Variants in SPIDR observed in about 807,000 individuals in gnomAD.
SPIDR encodes scaffold protein involved in DNA repair.
A neutral mutation model predicts 104.6 loss-of-function variants in SPIDR; 93 were observed. The observed-to-expected ratio is 0.89, with a 90% confidence interval of 0.75 to 1.06. SPIDR has a LOEUF of 1.06. SPIDR is among the 50% of genes least tolerant of loss of function. The pLI is 0.00. For synonymous variants in SPIDR, 431 were observed against 416.9 expected, an observed-to-expected ratio of 1.03 and a Z score of -0.41; for missense variants, 1,154 against 1,111.2, an observed-to-expected ratio of 1.04 and a Z score of -0.55.
chr8:47,328,029 T>C (rs532546963), intron 5 of SPIDR, among the ~76,000 whole-genome samples: 147 of 152,050 alleles, frequency 9.7e-4, no homozygotes, highest in Non-Finnish European at 1.4e-3. Context: ...TTTTTCACTT[T>C]TTTGACAATA....
intron 8 of SPIDR, among the ~76,000 whole-genome samples, chr8:47,496,264 T>C (rs192629141): frequency 3.3e-3 from 505 of 152,268 alleles, no homozygotes; most frequent in African/African-American, 0.012. Flanking sequence ...TCTTTGTCCT[T>C]TTGTGGATCT....
intron 5 of SPIDR, among the ~76,000 whole-genome samples, chr8:47,395,397 G>A (rs1554657703): frequency 6.6e-6 from 1 of 152,072 alleles, no homozygotes; most frequent in African/African-American, 2.4e-5. Context: ...AGAAAAAAAG[G>A]CCTTTTGTTT....
chr8:47,328,136 A>G (rs1456768153), intron 5 of SPIDR, among the ~76,000 whole-genome samples: 1 of 151,970 alleles, frequency 6.6e-6, no homozygotes, highest in Non-Finnish European at 1.5e-5. Context: ...CTAAGAAACA[A>G]TTGCCAAATC....
chr8:47,445,264 C>T (rs1436578653), intron 8 of SPIDR, among the ~76,000 whole-genome samples: 1 of 152,162 alleles, frequency 6.6e-6, no homozygotes, highest in Non-Finnish European at 1.5e-5. Context: ...GAATAATTAT[C>T]CCAGTATTTC....
chr8:47,539,108 G>A (rs1298805616), intron 8 of SPIDR, among the ~76,000 whole-genome samples: 1 of 151,860 alleles, frequency 6.6e-6, no homozygotes, highest in Non-Finnish European at 1.5e-5. Flanking sequence ...TGATCCACCC[G>A]CTTCAGCCTC....
At chr8:47,701,488 T>C (rs2154483462) in intron 12 of SPIDR, among the ~76,000 whole-genome samples, 1 of 152,316 alleles carries the variant, frequency 6.6e-6, no homozygotes, top group South Asian at 2.1e-4. Flanking sequence ...ATTTTCAGTA[T>C]ACCCCGAAAG....
intron 6 of SPIDR, among the ~76,000 whole-genome samples, chr8:47,406,101 T>G (rs1398369489): frequency 6.6e-6 from 1 of 152,142 alleles, no homozygotes; most frequent in Admixed American, 6.5e-5. Flanking sequence ...CTTTTTTTTT[T>G]TTTTTCTGTA....
rs141449346 is a variant in SPIDR, at chr8:47,669,935, G to C, written c.1545-3866G>C. On this transcript the variant is annotated intron_variant, in intron 10 of 19. Coordinates refer to ENST00000297423, the MANE Select transcript of SPIDR (RefSeq NM_001080394.4). ...GAATTGCTTGAACCCAGGAGGCGGA[G>C]GTTGCAGTGGGTCGAGATTACGCCA... is the stretch of plus-strand genomic sequence containing the variant. 1.0e-2 allele frequency among the ~76,000 whole-genome samples: 1,523 copies of C among 152,302 alleles called. 24 individuals carry two copies. Among genetic ancestry groups the C allele is most frequent in the African/African-American group, 0.035 (1,444 of 41,564 alleles).
intron 11 of SPIDR, among the ~76,000 whole-genome samples, chr8:47,681,243 A>G (rs1465640675): frequency 6.6e-6 from 1 of 152,182 alleles, no homozygotes; most frequent in African/African-American, 2.4e-5. Context: ...ACCTCCCACT[A>G]GTATTTTAAG....
At chr8:47,649,843 TA>T (rs1219782821) in intron 10 of SPIDR, among the ~76,000 whole-genome samples, 3 of 151,892 alleles carry the variant, frequency 2.0e-5, no homozygotes, top group Admixed American at 6.6e-5. Context: ...ATTAACAAAA[TA>T]AAAAAACAAA....
intron 11 of SPIDR, among the ~76,000 whole-genome samples, chr8:47,674,771 A>G (rs969286797): frequency 6.6e-6 from 1 of 152,188 alleles, no homozygotes; most frequent in South Asian, 2.1e-4. Flanking sequence ...GGCTGTGGCC[A>G]TTCTAAATGG....
intron 14 of SPIDR, among the ~76,000 whole-genome samples, chr8:47,703,039 T>C (rs571192942): frequency 1.8e-3 from 278 of 152,334 alleles, no homozygotes; most frequent in African/African-American, 6.5e-3. Context: ...CTAATCATAC[T>C]ATGCCTGGTT....
chr8:47,380,030 T>G (rs527607223), intron 5 of SPIDR, among the ~76,000 whole-genome samples: 1 of 152,334 alleles, frequency 6.6e-6, no homozygotes, highest in African/African-American at 2.4e-5. Flanking sequence ...TTGCCTTGAA[T>G]AAAAATAAAG....
At chr8:47,627,964 T>C (rs1439161793) in intron 10 of SPIDR, among the ~76,000 whole-genome samples, 1 of 152,218 alleles carries the variant, frequency 6.6e-6, no homozygotes, top group Non-Finnish European at 1.5e-5. Context: ...GATGAAGGGC[T>C]TCTGATGAAA....
intron 8 of SPIDR, among the ~76,000 whole-genome samples, chr8:47,519,237 T>C (rs2083639383): frequency 6.6e-6 from 1 of 151,972 alleles, no homozygotes; most frequent in Non-Finnish European, 1.5e-5. Flanking sequence ...CTCTGCCTCC[T>C]GGGTTCAAGC....
chr8:47,622,260 T>A (rs1461184167), intron 10 of SPIDR, among the ~76,000 whole-genome samples: 1 of 152,138 alleles, frequency 6.6e-6, no homozygotes, highest in African/African-American at 2.4e-5. Context: ...GGTCTAAAGA[T>A]GGCTTTGAAG....
intron 8 of SPIDR, among the ~76,000 whole-genome samples, chr8:47,501,056 T>C (rs1461563915): frequency 6.6e-6 from 1 of 152,228 alleles, no homozygotes; most frequent in Non-Finnish European, 1.5e-5. Context: ...CCTTGTAGTA[T>C]AGTTTGAAGT....
At chr8:47,328,619 T>C (rs182788229) in intron 5 of SPIDR, among the ~76,000 whole-genome samples, 65 of 152,254 alleles carry the variant, frequency 4.3e-4, no homozygotes, top group Non-Finnish European at 7.8e-4. Flanking sequence ...AGATTATTCT[T>C]TCCTTACTGG....
chr8:47,706,970 A>G (rs1051433791), intron 14 of SPIDR, among the ~76,000 whole-genome samples: 1 of 151,928 alleles, frequency 6.6e-6, no homozygotes, highest in African/African-American at 2.4e-5. Context: ...TTTTGTTTTT[A>G]GGCCCAGTGC....
Sources: gnomAD v4.1 joint callset for allele counts (sites outside exome capture counted in the v4.1 genomes callset) on GRCh38, gnomAD v4.1.1 for gene constraint, MANE v1.5 for transcripts, NCBI Gene and HGNC (gene_info 2026-07-23, HGNC 2026-07-21) for gene names.